The following MYOF variants were observed in gnomAD, a reference collection of about 807,000 sequenced individuals.
MYOF encodes the protein fer-1-like 3, myoferlin.
MYOF carries 244 observed loss-of-function variants against 284.2 expected under a neutral mutation model. The ratio of observed to expected loss-of-function variants is 0.86; its 90% CI spans 0.77 to 0.95. The LOEUF is 0.95. MYOF is among the 40% of genes least tolerant of loss of function. MYOF has a pLI of 0.00. For missense variants in MYOF, 2,496 were observed against 2,560.6 expected, an observed-to-expected ratio of 0.97 and a Z score of 0.54; for synonymous variants, 904 against 919.7, an observed-to-expected ratio of 0.98 and a Z score of 0.31.
At chr10:93,360,855 C>T (rs1172336529) in intron 28 of MYOF, among the ~76,000 whole-genome samples, 2 of 152,130 alleles carry the variant, frequency 1.3e-5, no homozygotes, top group African/African-American at 2.4e-5. Flanking sequence ...GACTCCAGCT[C>T]CCTCCCAAAT....
At chr10:93,380,227 A>G (rs1439356515) in intron 20 of MYOF, among the ~76,000 whole-genome samples, 1 of 152,158 alleles carries the variant, frequency 6.6e-6, no homozygotes, top group Non-Finnish European at 1.5e-5. Context: ...CAATCTCAGG[A>G]TCGTTTAGTG....
Position 93,316,751 on chromosome 10 carries a change from T to A in MYOF, c.5661A>T (p.Ile1887=), listed in dbSNP as rs756083422. The change falls in exon 50 of 54, where the codon ATA becomes ATT. Residue 1887 remains isoleucine, a synonymous_variant. Coordinates refer to ENST00000359263, the MANE Select transcript of MYOF (RefSeq NM_013451.4). ...FRIPPRLIIQ[I]WDNDKFSLDD... ...CCAGAGAAAACTTGTCATTGTCCCA[T>A]ATCTGAATGATCAGCCTGGGTGGGA... 7.4e-6 allele frequency: 12 copies of A among 1,614,034 alleles called. No individual in the cohort carries two copies. Among genetic ancestry groups the A allele is most frequent in the Non-Finnish European group, 9.3e-6 (11 of 1,179,930 alleles).
chr10:93,340,541 G>T (rs562920248), intron 38 of MYOF, among the ~76,000 whole-genome samples: 14 of 152,170 alleles, frequency 9.2e-5, no homozygotes, highest in African/African-American at 2.6e-4. Context: ...CCCTACCCCA[G>T]ATCTTACGTT....
chr10:93,357,884 GGAA>G (rs1450156403), intron 29 of MYOF, among the ~76,000 whole-genome samples: 1 of 152,158 alleles, frequency 6.6e-6, no homozygotes, highest in Non-Finnish European at 1.5e-5. Context: ...GCCCTCGTGT[GGAA>G]GAAGAGCGTT....
chr10:93,371,741 T>TC (rs1845600638), intron 24 of MYOF, among the ~76,000 whole-genome samples: 2 of 134,102 alleles, frequency 1.5e-5, no homozygotes, highest in Non-Finnish European at 3.1e-5. Context: ...ACCTTTTTTT[T>TC]TAAAGTATAA....
chr10:93,389,204 A>G (rs1208747692), intron 17 of MYOF, 50 bp from the exon 18 acceptor site: 2 of 1,564,826 alleles, frequency 1.3e-6, no homozygotes, highest in East Asian at 4.6e-5. Context: ...CATTCAATCT[A>G]TTGAAATAAA....
At chr10:93,436,000 C>T (rs7919771) in intron 3 of MYOF, among the ~76,000 whole-genome samples, 1,751 of 150,794 alleles carry the variant, frequency 0.012, 38 homozygotes, top group African/African-American at 0.041. Context: ...AGAACATGTT[C>T]GTGTTAGACC....
At chr10:93,414,289 C>T (rs35283674) in intron 5 of MYOF, among the ~76,000 whole-genome samples, 6,444 of 152,130 alleles carry the variant, frequency 0.042, 183 homozygotes, top group South Asian at 0.081. Flanking sequence ...GTAAACCCAG[C>T]ACTTTGGGAG....
At chr10:93,453,010 A>G (rs2056639032) in intron 2 of MYOF, among the ~76,000 whole-genome samples, 2 of 152,302 alleles carry the variant, frequency 1.3e-5, no homozygotes, top group South Asian at 4.1e-4. Context: ...TGATTAGGTA[A>G]TAATTAAATG....
intron 5 of MYOF, 111 bp from the exon 6 acceptor site, chr10:93,409,850 A>G (rs999241910): frequency 1.6e-5 from 21 of 1,351,138 alleles, no homozygotes; most frequent in Non-Finnish European, 2.1e-5. Flanking sequence ...AAGTGTTCCT[A>G]AAGTGGCAGG....
At chr10:93,452,796 T>C (rs1315264106) in intron 2 of MYOF, among the ~76,000 whole-genome samples, 1 of 152,196 alleles carries the variant, frequency 6.6e-6, no homozygotes, top group Non-Finnish European at 1.5e-5. Context: ...TATCTGCTCT[T>C]CTTAATCATA....
intron 40 of MYOF, 75 bp downstream of exon 40, chr10:93,337,740 C>T (rs1366207434): frequency 1.6e-6 from 2 of 1,274,608 alleles, no homozygotes; most frequent in East Asian, 2.3e-5. Flanking sequence ...ACCTTTTAGT[C>T]ATCCTCTTAG....
chr10:93,362,108 C>T (rs189691467), intron 27 of MYOF, among the ~76,000 whole-genome samples: 4 of 152,062 alleles, frequency 2.6e-5, no homozygotes, highest in East Asian at 3.9e-4. Flanking sequence ...CGCCACCATG[C>T]CCAGCTAATT....
intron 19 of MYOF, among the ~76,000 whole-genome samples, chr10:93,387,335 A>C (rs1257185538): frequency 6.6e-6 from 1 of 152,196 alleles, no homozygotes; most frequent in Non-Finnish European, 1.5e-5. Context: ...ACAGGCATCG[A>C]CCTGGATTCT....
intron 1 of MYOF, among the ~76,000 whole-genome samples, chr10:93,481,456 G>C (rs566295362): frequency 2.4e-4 from 36 of 152,218 alleles, no homozygotes; most frequent in African/African-American, 8.4e-4. Flanking sequence ...GAAGTAACTT[G>C]CCCAAGGTCA....
chr10:93,418,590 G>T (rs1427848163), intron 5 of MYOF, among the ~76,000 whole-genome samples: 1 of 152,148 alleles, frequency 6.6e-6, no homozygotes, highest in East Asian at 1.9e-4. Flanking sequence ...AGATAACAAA[G>T]CCCAGAGATC....
intron 37 of MYOF, 141 bp downstream of exon 37, chr10:93,347,476 C>T (rs1844249911): frequency 4.0e-6 from 3 of 753,484 alleles, no homozygotes; most frequent in South Asian, 3.7e-5. Flanking sequence ...GGCGTGAACC[C>T]GGGAAGCGGA....
chr10:93,385,457 AGTTTT>A (rs1434915237), intron 19 of MYOF, among the ~76,000 whole-genome samples: 3 of 152,210 alleles, frequency 2.0e-5, no homozygotes, highest in African/African-American at 7.2e-5. Flanking sequence ...TTTACCAAAA[AGTTTT>A]GTTAGCTGCA....
At chr10:93,325,416 C>T (rs948115794) in intron 46 of MYOF, among the ~76,000 whole-genome samples, 2 of 152,178 alleles carry the variant, frequency 1.3e-5, no homozygotes, top group Non-Finnish European at 2.9e-5. Flanking sequence ...TCAGTGGTCC[C>T]ATGGTGGGCA....
Sources: allele counts gnomAD v4.1 joint callset (sites outside exome capture counted in the v4.1 genomes callset), GRCh38; gene constraint gnomAD v4.1.1; transcripts MANE v1.5; gene names NCBI Gene and HGNC (gene_info 2026-07-23, HGNC 2026-07-21).